ATF6: variants seen among roughly 807,000 people sequenced by gnomAD.
ATF6 encodes cyclic AMP-dependent transcription factor ATF-6 alpha.
ATF6 carries 53 observed loss-of-function variants against 83.6 expected under a neutral mutation model. That is an observed-to-expected ratio of 0.63 (90% CI 0.51 to 0.80). The LOEUF (loss-of-function observed/expected upper bound fraction) is 0.80. Ranked by LOEUF, ATF6 falls within the 30% of genes least tolerant of loss-of-function variation. The pLI, the probability that ATF6 is intolerant of heterozygous loss-of-function variation, is 0.00. For synonymous variants in ATF6, 288 were observed against 285.8 expected (o/e 1.01, Z -0.08); for missense variants, 744 against 797.9 (o/e 0.93, Z 0.81).
Position 161,792,224 on chromosome 1 carries a change from C to T in ATF6, c.585C>T (p.Asn195=). The part of the protein sequence containing the change: ...LLPAAPKTQT[N]SSVPAKTIII... ...CAGCAGCACCCAAGACTCAAACAAACTCCAGTGTTCCAGCAAAAACCATCA... is the reference window on the plus strand; with the variant it reads ...CAGCAGCACCCAAGACTCAAACAAATTCCAGTGTTCCAGCAAAAACCATCA... Residue 195 remains asparagine, a synonymous_variant, in exon 6 of 16, where the codon AAC becomes AAT. Transcript: ENST00000367942. The T allele has an allele frequency of 6.2e-7, 1 of 1,614,150 alleles. No homozygotes were observed. Among genetic ancestry groups the T allele is most frequent in the Non-Finnish European group, 8.5e-7 (1 of 1,180,000 alleles).
chr1:161,841,293 A>G (rs993247490), intron 9 of ATF6, among the ~76,000 whole-genome samples: 2 of 152,194 alleles, frequency 1.3e-5, no homozygotes, highest in African/African-American at 4.8e-5. Context: ...AAAATAAGGG[A>G]AATACAAACC....
intron 14 of ATF6, among the ~76,000 whole-genome samples, chr1:161,909,549 T>C (rs1019999823): frequency 6.6e-6 from 1 of 152,096 alleles, no homozygotes; most frequent in African/African-American, 2.4e-5. Context: ...TCTGCCACAA[T>C]TCAGTTTCCC....
Position 161,889,487 on chromosome 1 carries a change from T to G in ATF6, c.1720-22809T>G, listed in dbSNP as rs950030998. 5.3e-5 allele frequency among the ~76,000 whole-genome samples: 8 copies of G among 152,234 alleles called. No individual in the cohort carries two copies. The East Asian group carries it at 1.5e-3, about 29-fold the overall frequency. Reference sequence around the variant, plus strand: ...GGGAACCCAAGCTATAACAACATGTTTATCTTGTTCACACTTTCTTCTGAG... The same window carrying G: ...GGGAACCCAAGCTATAACAACATGTGTATCTTGTTCACACTTTCTTCTGAG... On this transcript the variant is annotated intron_variant, in intron 14 of 15. Coordinates refer to ENST00000367942, the MANE Select transcript of ATF6 (RefSeq NM_007348.4).
At chr1:161,896,938 G>T (rs533233195) in intron 14 of ATF6, among the ~76,000 whole-genome samples, 1 of 152,238 alleles carries the variant, frequency 6.6e-6, no homozygotes, top group African/African-American at 2.4e-5. Flanking sequence ...TCAGGCTAGT[G>T]CACTTTTCAC....
intron 15 of ATF6, among the ~76,000 whole-genome samples, chr1:161,940,407 C>T (rs771207402): frequency 6.6e-5 from 10 of 152,098 alleles, no homozygotes; most frequent in Admixed American, 3.9e-4. Context: ...CTCATTTTCC[C>T]ATTTTCCACT....
At chr1:161,823,270 C>T (rs1685807610) in intron 9 of ATF6, among the ~76,000 whole-genome samples, 1 of 151,960 alleles carries the variant, frequency 6.6e-6, no homozygotes, top group African/African-American at 2.4e-5. Flanking sequence ...TTATATCTCC[C>T]AAACCTCCAA....
chr1:161,815,939 C>G (rs1440606500), intron 7 of ATF6, among the ~76,000 whole-genome samples: 2 of 152,128 alleles, frequency 1.3e-5, no homozygotes, highest in Admixed American at 6.5e-5. Flanking sequence ...GATTCTTTCT[C>G]AAAAAATTAA....
At chr1:161,920,095 T>G (rs993023510) in intron 15 of ATF6, among the ~76,000 whole-genome samples, 3 of 152,146 alleles carry the variant, frequency 2.0e-5, no homozygotes, top group Non-Finnish European at 4.4e-5. Flanking sequence ...TTTATTCTTC[T>G]CAATATATTT....
intron 4 of ATF6, among the ~76,000 whole-genome samples, chr1:161,789,428 G>A (rs1380229044): frequency 6.6e-6 from 1 of 151,104 alleles, no homozygotes; most frequent in Non-Finnish European, 1.5e-5. Flanking sequence ...GTCTTTCTGT[G>A]CCTGGCTTGA....
Position 161,787,590 on chromosome 1 carries a change from G to T in ATF6, c.354+3494G>T, listed in dbSNP as rs968689495. 1.1e-4 allele frequency among the ~76,000 whole-genome samples: 17 copies of T among 152,142 alleles called. No individual in the cohort carries two copies. In the South Asian group the frequency reaches 3.5e-3, roughly 32 times the overall value. On this transcript the variant is annotated intron_variant, in intron 4 of 15. Coordinates refer to ENST00000367942, the MANE Select transcript of ATF6 (RefSeq NM_007348.4). ...ACATTCCACCAGGCTACTTCTCTGC[G>T]TGGATGGTGGTCTTGCTTTACCCCA...
intron 14 of ATF6, among the ~76,000 whole-genome samples, chr1:161,877,424 G>T (rs1253666858): frequency 6.6e-6 from 1 of 152,104 alleles, no homozygotes; most frequent in African/African-American, 2.4e-5. Flanking sequence ...GGAATTCAAG[G>T]ATTCCAGGCA....
intron 14 of ATF6, among the ~76,000 whole-genome samples, chr1:161,887,406 A>G (rs4532807): frequency 0.11 from 16,904 of 152,126 alleles, 1,898 homozygotes; most frequent in African/African-American, 0.29. Flanking sequence ...GCTCACTACC[A>G]AGTGTTCATA....
intron 9 of ATF6, chr1:161,840,434 C>G (rs768707116): frequency 6.6e-6 from 1 of 152,170 alleles, no homozygotes; most frequent in Non-Finnish European, 1.5e-5. Flanking sequence ...GAAGCAGTTT[C>G]TTTTAAGGAT....
chr1:161,836,791 T>C (rs1174940548), intron 9 of ATF6, among the ~76,000 whole-genome samples: 5 of 152,134 alleles, frequency 3.3e-5, no homozygotes, highest in Non-Finnish European at 7.4e-5. Context: ...CTTGGCTACT[T>C]TTTCCCCACA....
At chr1:161,863,549 A>C (rs1387437235) in intron 14 of ATF6, among the ~76,000 whole-genome samples, 1 of 152,218 alleles carries the variant, frequency 6.6e-6, no homozygotes, top group East Asian at 1.9e-4. Context: ...GGAAATATAA[A>C]CTACTTGTTG....
At chr1:161,937,141 A>G (rs1304194800) in intron 15 of ATF6, among the ~76,000 whole-genome samples, 1 of 152,090 alleles carries the variant, frequency 6.6e-6, no homozygotes, top group African/African-American at 2.4e-5. Flanking sequence ...TGACGCTAGA[A>G]TGAACCTGTT....
chr1:161,886,713 G>GT (rs1558010765), intron 14 of ATF6, among the ~76,000 whole-genome samples: 1 of 152,156 alleles, frequency 6.6e-6, no homozygotes, highest in African/African-American at 2.4e-5. Flanking sequence ...TATGTGGTGC[G>GT]TAAGTGTACT....
intron 13 of ATF6, among the ~76,000 whole-genome samples, chr1:161,861,852 C>T (rs77487627): frequency 0.14 from 21,533 of 152,126 alleles, 2,091 homozygotes; most frequent in East Asian, 0.31. Flanking sequence ...TTTGAAATGG[C>T]CCCGAGGCAT....
intron 4 of ATF6, 22 bp downstream of exon 4, chr1:161,784,118 A>G: frequency 6.4e-7 from 1 of 1,559,032 alleles, no homozygotes; most frequent in Non-Finnish European, 8.8e-7. Context: ...GTCTTTTACA[A>G]TGATTTTGGT....
Sources: allele counts gnomAD v4.1 joint callset (sites outside exome capture counted in the v4.1 genomes callset), GRCh38; gene constraint gnomAD v4.1.1; transcripts MANE v1.5; gene names NCBI Gene and HGNC (gene_info 2026-07-23, HGNC 2026-07-21).